PARD3B: variants seen among roughly 807,000 people sequenced by gnomAD.
The protein encoded by PARD3B is par-3 family cell polarity regulator beta.
In PARD3B, 103 loss-of-function variants were observed where a neutral mutation model predicts 130.2. The observed-to-expected ratio is 0.79, with a 90% CI of 0.67 to 0.93. PARD3B has a LOEUF of 0.93. Ranked by LOEUF, PARD3B falls within the 40% of genes least tolerant of loss-of-function variation. The pLI, the probability that PARD3B is intolerant of heterozygous loss-of-function variation, is 0.00. For synonymous variants in PARD3B, 583 were observed against 553.2 expected (o/e 1.05, Z -0.76); for missense variants, 1,609 against 1,499.2 (o/e 1.07, Z -1.21).
At chr2:204,577,850 C>T (rs182455133) in intron 1 of PARD3B, among the ~76,000 whole-genome samples, 253 of 152,262 alleles carry the variant, frequency 1.7e-3, no homozygotes, top group African/African-American at 5.9e-3. Context: ...TTATAGACAT[C>T]AGCCACTGTG....
intron 2 of PARD3B, among the ~76,000 whole-genome samples, chr2:204,883,405 T>TTA (rs1447380815): frequency 9.9e-5 from 10 of 101,310 alleles, no homozygotes; most frequent in South Asian, 5.4e-4. Context: ...TATATATATA[T>TTA]TATATATATA....
chr2:204,997,253 A>G (rs1694304970), intron 3 of PARD3B, among the ~76,000 whole-genome samples: 1 of 152,196 alleles, frequency 6.6e-6, no homozygotes, highest in South Asian at 2.1e-4. Flanking sequence ...CTTTAATTTT[A>G]GAACTGGCCG....
chr2:205,521,329 G>A (rs1047883118), intron 21 of PARD3B, among the ~76,000 whole-genome samples: 1 of 151,752 alleles, frequency 6.6e-6, no homozygotes, highest in African/African-American at 2.4e-5. Context: ...CTATTACAAT[G>A]TTTGCCTCTG....
At chr2:205,103,587 T>C in intron 4 of PARD3B, 2 of 414,096 alleles carry the variant, frequency 4.8e-6, no homozygotes, top group South Asian at 1.0e-4. Flanking sequence ...CTATATCTGG[T>C]TTGTTGCTTT....
intron 2 of PARD3B, among the ~76,000 whole-genome samples, chr2:204,691,155 G>A (rs1223662565): frequency 6.6e-6 from 1 of 152,054 alleles, no homozygotes; most frequent in African/African-American, 2.4e-5. Flanking sequence ...GAGCATGAGA[G>A]CTTCTGAGTA....
chr2:205,010,670 G>C (rs10206630), intron 3 of PARD3B, among the ~76,000 whole-genome samples: 150,157 of 152,308 alleles, frequency 0.99, 74,054 homozygotes, highest in Middle Eastern at 1. Context: ...TTGCTATTTT[G>C]TAGCCCCCAG....
chr2:205,365,492 C>A (rs1308392196), intron 18 of PARD3B, among the ~76,000 whole-genome samples: 4 of 149,774 alleles, frequency 2.7e-5, no homozygotes, highest in East Asian at 2.0e-4. Flanking sequence ...GGCCTGCTGT[C>A]TTCCCTTTCT....
intron 19 of PARD3B, among the ~76,000 whole-genome samples, chr2:205,436,256 G>A (rs936451225): frequency 1.3e-5 from 2 of 152,108 alleles, no homozygotes; most frequent in African/African-American, 4.8e-5. Flanking sequence ...ATCAACACAT[G>A]AATTTTGGGA....
intron 10 of PARD3B, among the ~76,000 whole-genome samples, chr2:205,134,359 C>CA (rs56722764): frequency 0.034 from 4,715 of 137,054 alleles, 127 homozygotes; most frequent in African/African-American, 0.059. Context: ...CCCATCTCTA[C>CA]AAAAAAAAAA....
chr2:205,125,637 C>T lies in PARD3B; in HGVS notation c.1334C>T (p.Thr445Ile). The T allele has an allele frequency of 8.1e-6, 13 of 1,613,998 alleles. No individual in the cohort carries two copies. The highest frequency in any genetic ancestry group is 1.0e-5 in the Non-Finnish European group (12 of 1,179,980). ...AATGGGAGAGATGTCACCGGACGAA[C>T]CCAGGAAGAGCTTGTGGCCATGCTC... ...EVNGRDVTGRTQEELVAMLRS... is the reference protein window; with the variant it reads ...EVNGRDVTGRIQEELVAMLRS... Residue 445 changes from threonine to isoleucine, a missense_variant, in exon 10 of 23, where the codon ACC (threonine) becomes ATC (isoleucine). Coordinates refer to ENST00000406610, the MANE Select transcript of PARD3B (RefSeq NM_001302769.2). The surrounding 1 kb of genome is among the most constrained non-coding windows in gnomAD (Gnocchi z 4.0).
intron 2 of PARD3B, among the ~76,000 whole-genome samples, chr2:204,692,526 T>G (rs922571449): frequency 6.6e-6 from 1 of 151,932 alleles, no homozygotes; most frequent in Non-Finnish European, 1.5e-5. Flanking sequence ...AGGTCCTGAT[T>G]TATTTCATTT....
chr2:204,881,310 C>T (rs1559224342), intron 2 of PARD3B, among the ~76,000 whole-genome samples: 3 of 151,970 alleles, frequency 2.0e-5, no homozygotes, highest in Admixed American at 1.3e-4. Context: ...ACTTAAATCC[C>T]TTTCGGTGGG....
At chr2:204,804,014 G>A (rs2042672958) in intron 2 of PARD3B, among the ~76,000 whole-genome samples, 1 of 152,106 alleles carries the variant, frequency 6.6e-6, no homozygotes, top group Non-Finnish European at 1.5e-5. Flanking sequence ...AGGAGTTTGA[G>A]ACTAGTCTGG....
chr2:204,791,818 A>G (rs2042215746), intron 2 of PARD3B, among the ~76,000 whole-genome samples: 1 of 152,202 alleles, frequency 6.6e-6, no homozygotes, highest in African/African-American at 2.4e-5. Context: ...AGTAGTAGAA[A>G]CTGGAATTGC....
chr2:205,508,808 C>T (rs1034133828), intron 21 of PARD3B, among the ~76,000 whole-genome samples: 6 of 152,048 alleles, frequency 3.9e-5, no homozygotes, highest in Non-Finnish European at 7.4e-5. Flanking sequence ...CTATACATTG[C>T]GTGGGTTTTA....
At chr2:205,453,871 C>T (rs1184506645) in intron 20 of PARD3B, among the ~76,000 whole-genome samples, 2 of 152,156 alleles carry the variant, frequency 1.3e-5, no homozygotes, top group Non-Finnish European at 2.9e-5. Flanking sequence ...AGTATTGGCA[C>T]ATGATGCAAA....
chr2:204,973,175 A>G (rs938496425), intron 3 of PARD3B, among the ~76,000 whole-genome samples: 7 of 152,150 alleles, frequency 4.6e-5, no homozygotes, highest in African/African-American at 1.4e-4. Context: ...AGCCACACAG[A>G]ATTGCCCTCT....
At chr2:205,028,852 G>C (rs190615271) in intron 3 of PARD3B, among the ~76,000 whole-genome samples, 1 of 152,006 alleles carries the variant, frequency 6.6e-6, no homozygotes, top group Non-Finnish European at 1.5e-5. Flanking sequence ...AAAAATCAAC[G>C]TACAAAAGTC....
chr2:205,143,326 G>A (rs1402405592), intron 10 of PARD3B, among the ~76,000 whole-genome samples: 1 of 152,116 alleles, frequency 6.6e-6, no homozygotes, highest in South Asian at 2.1e-4. Context: ...TAAAAACGGG[G>A]CTGTGATGGA....
Sources: gnomAD v4.1 joint callset for allele counts (sites outside exome capture counted in the v4.1 genomes callset) on GRCh38, gnomAD v4.1.1 for gene constraint, Gnocchi (gnomAD v3.1) non-coding constraint, MANE v1.5 for transcripts, NCBI Gene and HGNC (gene_info 2026-07-23, HGNC 2026-07-21) for gene names.